The following ZNF600 variants were observed in gnomAD, a reference collection of about 807,000 sequenced individuals.
ZNF600 encodes the protein zinc finger protein KR-ZNF1.
Under a neutral mutation model 7.3 loss-of-function variants are expected in ZNF600, and 4 were observed. That is an observed-to-expected ratio of 0.55 (90% CI 0.27 to 1.25). The LOEUF (loss-of-function observed/expected upper bound fraction) is 1.25, where lower values mean the gene tolerates loss of function less well. Ranked by LOEUF, ZNF600 falls within the 50% of genes most tolerant of loss-of-function variation. ZNF600 has a pLI of 0.12. For synonymous variants in ZNF600, 290 were observed against 308.9 expected, an observed-to-expected ratio of 0.94 and a Z score of 0.64; for missense variants, 911 against 922.1, an observed-to-expected ratio of 0.99 and a Z score of 0.16.
the ZNF600 span, chr19:52,808,247 C>A: frequency 6.6e-6 from 10 of 1,522,474 alleles, no homozygotes; most frequent in Admixed American, 1.3e-4. Flanking sequence ...TCTCACAAAT[C>A]CGAGTGACGG....
chr19:52,765,865 T>C (rs1364587854), exon 4 of ZNF600: 4 of 1,614,004 alleles, frequency 2.5e-6, no homozygotes, highest in Admixed American at 3.3e-5. Flanking sequence ...CCAGCATGAA[T>C]TCTATGATGA....
At chr19:52,782,426 G>C (rs1390545755) in intron 1 of ZNF600, among the ~76,000 whole-genome samples, 1 of 151,886 alleles carries the variant, frequency 6.6e-6, no homozygotes, top group Non-Finnish European at 1.5e-5. Flanking sequence ...AGGAGGCTGA[G>C]GCAGGAGAAT....
At chr19:52,816,790 C>T in the ZNF600 span, among the ~76,000 whole-genome samples, 1 of 151,460 alleles carries the variant, frequency 6.6e-6, no homozygotes, top group Non-Finnish European at 1.5e-5. Context: ...GAGATCATGC[C>T]ACTGCACTGC....
the ZNF600 span, among the ~76,000 whole-genome samples, chr19:52,808,390 G>A: frequency 6.6e-6 from 1 of 152,168 alleles, no homozygotes; most frequent in African/African-American, 2.4e-5. Flanking sequence ...TTATAAAAAT[G>A]TTTGAAACTT....
intron 1 of ZNF600, among the ~76,000 whole-genome samples, chr19:52,780,144 G>GTAC (rs1331780813): frequency 5.9e-5 from 9 of 152,116 alleles, no homozygotes; most frequent in South Asian, 4.1e-4. Flanking sequence ...CCAAATCAAT[G>GTAC]TACTTCTTAC....
intron 1 of ZNF600, among the ~76,000 whole-genome samples, chr19:52,784,118 G>A (rs2062745665): frequency 6.6e-6 from 1 of 152,150 alleles, no homozygotes; most frequent in Non-Finnish European, 1.5e-5. Flanking sequence ...GCCCGGCATG[G>A]CGGCTCATCC....
chr19:52,767,162 G>A (rs146834039), exon 4 of ZNF600: 4 of 1,614,034 alleles, frequency 2.5e-6, no homozygotes, highest in Non-Finnish European at 3.4e-6. Context: ...TGTGATTAAA[G>A]AGCTTGCCAC....
At chr19:52,790,488 C>G (rs900907011), upstream of ZNF600, among the ~76,000 whole-genome samples, 1 of 151,980 alleles carries the variant, frequency 6.6e-6, no homozygotes, top group African/African-American at 2.4e-5. Flanking sequence ...CAGAGCGAGA[C>G]TCCATTTCAA....
the ZNF600 span, chr19:52,809,819 C>A: frequency 3.8e-6 from 2 of 524,982 alleles, no homozygotes; most frequent in Non-Finnish European, 6.7e-6. Flanking sequence ...GTCTGAGCGG[C>A]GAAGGCGGCG....
At chr19:52,776,600 C>A (rs2062677452) in intron 2 of ZNF600, among the ~76,000 whole-genome samples, 1 of 152,028 alleles carries the variant, frequency 6.6e-6, no homozygotes, top group Admixed American at 6.5e-5. Context: ...TTAGCAGAGA[C>A]AGGGTTTCAC....
chr19:52,814,100 T>C, the ZNF600 span, among the ~76,000 whole-genome samples: 2 of 146,508 alleles, frequency 1.4e-5, no homozygotes, highest in Non-Finnish European at 3.0e-5. Context: ...GAAATACACG[T>C]GTACAAGACT....
chr19:52,833,401 G>C, the ZNF600 span, among the ~76,000 whole-genome samples: 8 of 152,262 alleles, frequency 5.3e-5, no homozygotes, highest in African/African-American at 1.2e-4. Context: ...CTCAGAGCAG[G>C]TGAGAGGAAC....
chr19:52,777,702 T>TG (rs1352290718), intron 2 of ZNF600, among the ~76,000 whole-genome samples: 1 of 151,414 alleles, frequency 6.6e-6, no homozygotes, highest in Non-Finnish European at 1.5e-5. Flanking sequence ...TGGTGGTGCA[T>TG]CCTGAAGTCC....
chr19:52,769,144 C>T lies in ZNF600; in HGVS notation c.191-1372G>A, dbSNP rs1177695005. On this transcript the variant is annotated intron_variant, in intron 3 of 3. Transcript: ENST00000648973. ...ATCAGTGCCAAGGAACAACACCCGC[C>T]ACTTAGCAGACCGGGAAAGGGAGTC... Among the ~76,000 whole-genome samples the T allele has an allele frequency of 2.0e-5, 3 of 152,226 alleles. No individual in the cohort carries two copies. The East Asian group carries it at 5.8e-4, about 30-fold the overall frequency.
At chr19:52,781,172 T>TAA (rs58442933) in intron 1 of ZNF600, 117 bp from the exon 3 acceptor site, 8 of 149,818 alleles carry the variant, frequency 5.3e-5, no homozygotes, top group African/African-American at 2.0e-4. Context: ...TTTTTTTTTT[T>TAA]AATATTTGGA....
chr19:52,785,976 T>C (rs765998553), intron 1 of ZNF600, among the ~76,000 whole-genome samples: 1 of 152,298 alleles, frequency 6.6e-6, no homozygotes, highest in Non-Finnish European at 1.5e-5. Flanking sequence ...ACCCATCCTC[T>C]ACTTTGCCAT....
intron 1 of ZNF600, among the ~76,000 whole-genome samples, chr19:52,782,077 C>T (rs2062726860): frequency 6.6e-6 from 1 of 151,750 alleles, no homozygotes; most frequent in South Asian, 2.1e-4. Context: ...TATATCTAAA[C>T]ATTAGCCAGG....
intron 3 of ZNF600, among the ~76,000 whole-genome samples, chr19:52,772,550 C>T (rs1439184366): frequency 1.3e-5 from 2 of 152,180 alleles, no homozygotes; most frequent in Non-Finnish European, 2.9e-5. Context: ...TTGTGGTGAA[C>T]TGAGATTGTG....
At chr19:52,815,613 A>G in the ZNF600 span, among the ~76,000 whole-genome samples, 1 of 146,696 alleles carries the variant, frequency 6.8e-6, no homozygotes, top group Non-Finnish European at 1.5e-5. Context: ...TCATGAGGTC[A>G]GGAGATCGAG....
Sources: allele counts gnomAD v4.1 joint callset (sites outside exome capture counted in the v4.1 genomes callset), GRCh38; gene constraint gnomAD v4.1.1; transcripts MANE v1.5; gene names NCBI Gene and HGNC (gene_info 2026-07-23, HGNC 2026-07-21).